The following ICMT variants were observed in gnomAD, a reference collection of about 807,000 sequenced individuals.
ICMT encodes the protein isoprenylcysteine carboxyl methyltransferase.
ICMT carries 10 observed loss-of-function variants against 32.2 expected under a neutral mutation model. The observed-to-expected ratio is 0.31, with a 90% CI of 0.19 to 0.53. ICMT has a LOEUF of 0.53. Among genes scored for constraint, ICMT ranks in the 20% least tolerant of loss-of-function variants. The pLI is 0.96. For synonymous variants in ICMT, 183 were observed against 158.2 expected (o/e 1.16, Z -1.18); for missense variants, 265 against 356.9 (o/e 0.74, Z 2.07).
In ICMT at chr1:6,232,138, A is replaced by G. The variant is rs763472718; in HGVS notation, c.455-19T>C. ...TTCAGTTCTGTGGGAGAGAGACATC[A>G]ACGACACACGGGGAGTGAAAACACT... On this transcript the variant is annotated intron_variant, in intron 3 of 4. Coordinates refer to ENST00000343813, the MANE Select transcript of ICMT (RefSeq NM_012405.4). 6.3e-7 allele frequency: 1 copy of G among 1,593,148 alleles called. No homozygotes were observed. Among genetic ancestry groups the G allele is most frequent in the Non-Finnish European group, 8.6e-7 (1 of 1,162,818 alleles).
At chr1:6,232,693 C>A (rs1215986024) in intron 3 of ICMT, among the ~76,000 whole-genome samples, 1 of 152,122 alleles carries the variant, frequency 6.6e-6, no homozygotes, top group African/African-American at 2.4e-5. Context: ...GAATTACAGG[C>A]ATGCACTACC....
intron 4 of ICMT, 88 bp from the exon 5 acceptor site, chr1:6,225,350 A>T: frequency 7.7e-7 from 1 of 1,306,498 alleles, no homozygotes; most frequent in Non-Finnish European, 1.1e-6. Flanking sequence ...TACCCAGAGG[A>T]TTTCTGTGCC....
intron 1 of ICMT, 63 bp downstream of exon 1, chr1:6,235,654 G>T: frequency 9.4e-7 from 1 of 1,068,582 alleles, no homozygotes; most frequent in Non-Finnish European, 1.1e-6. Flanking sequence ...AGGTGCCCAC[G>T]CGCCGCGCCA....
In ICMT at chr1:6,224,736, G is replaced by T. The variant is rs1475167646; in HGVS notation, c.*344C>A. 3 of 233,280 alleles carry T rather than the reference G, an allele frequency of 1.3e-5. No homozygotes were observed. The East Asian group carries it at 3.2e-4, about 25-fold the overall frequency. 14.5% of individuals were successfully genotyped at this position (233,280 alleles called of 1,614,324 possible). On this transcript the variant is annotated 3_prime_UTR_variant, in exon 5 of 5. Coordinates refer to ENST00000343813, the MANE Select transcript of ICMT (RefSeq NM_012405.4). ...CTGAGGACAGAGTCCATCTCTCCCA[G>T]CGAGTCCTGGTTATCCTTTACTTAC... is the stretch of plus-strand genomic sequence containing the variant.
At chr1:6,225,402 G>A in intron 4 of ICMT, 140 bp from the exon 5 acceptor site, 1 of 757,074 alleles carries the variant, frequency 1.3e-6, no homozygotes, top group Non-Finnish European at 2.1e-6. Flanking sequence ...GAGCAGTACT[G>A]TCACCTTAGC....
At chr1:6,234,654 T>G in intron 2 of ICMT, 2 of 557,182 alleles carry the variant, frequency 3.6e-6, no homozygotes, top group East Asian at 3.4e-5. Context: ...GACAGCACCT[T>G]TGGGGGTGCC....
At chr1:6,235,073 T>C (rs1366870286) in intron 1 of ICMT, 99 bp from the exon 2 acceptor site, 5 of 899,440 alleles carry the variant, frequency 5.6e-6, no homozygotes, top group East Asian at 2.5e-5. Flanking sequence ...GGCAAGCAGA[T>C]AGAGCCGATT....
intron 4 of ICMT, among the ~76,000 whole-genome samples, chr1:6,229,783 TACACACACACACACAC>T (rs34741419): frequency 1.4e-3 from 209 of 146,704 alleles, no homozygotes; most frequent in Non-Finnish European, 2.2e-3. Context: ...ATAAAAAAAA[TACACACACACACACAC>T]ACACACACAC....
chr1:6,233,361 G>A, intron 3 of ICMT, 113 bp downstream of exon 3: 2 of 937,262 alleles, frequency 2.1e-6, no homozygotes, highest in Non-Finnish European at 3.3e-6. Flanking sequence ...ATAGAGGTCT[G>A]CGGAAAATCG....
At chr1:6,227,461 T>G (rs1484236010) in intron 4 of ICMT, among the ~76,000 whole-genome samples, 1 of 152,226 alleles carries the variant, frequency 6.6e-6, no homozygotes, top group African/African-American at 2.4e-5. Flanking sequence ...CCCAAAGACT[T>G]GGAGACTTTT....
At chr1:6,231,816 G>A in intron 4 of ICMT, 86 bp downstream of exon 4, 2 of 841,618 alleles carry the variant, frequency 2.4e-6, no homozygotes, top group Non-Finnish European at 3.6e-6. Flanking sequence ...TTTTGAAATG[G>A]TGACTTTTAT....
rs1357990067 is a variant in ICMT at position 6,221,637 on chromosome 1, T to C, written c.*3443A>G. On this transcript the variant is annotated 3_prime_UTR_variant, in exon 5 of 5. Coordinates refer to ENST00000343813, the MANE Select transcript of ICMT (RefSeq NM_012405.4). ...CTGATCGGCTAACGCAGCTTCCTGG[T>C]TTAGGAACATTTTCCCCGGTCGTAT... The C allele has an allele frequency of 6.6e-6, 1 of 152,646 alleles. No individual in the cohort carries two copies. The highest frequency in any genetic ancestry group is 1.5e-5 in the Non-Finnish European group (1 of 68,044). The allele number at this position is 152,646 out of a possible 1,614,324, so 9.5% of individuals were successfully genotyped here. A position where few individuals can be genotyped will look rare whatever the true frequency, so the allele number is the denominator to read the frequency against.
At chr1:6,227,021 G>A (rs543546656) in intron 4 of ICMT, among the ~76,000 whole-genome samples, 2 of 152,358 alleles carry the variant, frequency 1.3e-5, no homozygotes, top group African/African-American at 2.4e-5. Context: ...TCTATAGCAG[G>A]CTGCAGCCTG....
At chr1:6,231,879 C>A (rs746675981) in intron 4 of ICMT, 23 bp downstream of exon 4, 5 of 1,337,486 alleles carry the variant, frequency 3.7e-6, no homozygotes, top group East Asian at 4.8e-5. Flanking sequence ...AAAAGAAAAG[C>A]AGTGTCATAT....
chr1:6,225,349 G>T lies in ICMT; in HGVS notation c.673-87C>A, dbSNP rs1668629469. ...AGGCGTCTGTCTCTAATACCCAGAG[G>T]ATTTCTGTGCCCATGCCCTGCTGAG... On this transcript the variant is annotated intron_variant, in intron 4 of 4. Transcript: ENST00000343813. 5.3e-6 allele frequency: 7 copies of T among 1,313,928 alleles called. No homozygotes were observed. In the East Asian group the frequency reaches 1.6e-4, roughly 30 times the overall value. 81.4% of individuals were successfully genotyped at this position (1,313,928 alleles called of 1,614,324 possible). A position where few individuals can be genotyped will look rare whatever the true frequency, so the allele number is the denominator to read the frequency against.
At chr1:6,227,001 G>A (rs1668654853) in intron 4 of ICMT, among the ~76,000 whole-genome samples, 1 of 152,256 alleles carries the variant, frequency 6.6e-6, no homozygotes, top group South Asian at 2.1e-4. Context: ...ATACCCTACA[G>A]TGGGAGTTCT....
intron 4 of ICMT, among the ~76,000 whole-genome samples, chr1:6,229,555 A>G (rs889977815): frequency 6.6e-6 from 1 of 152,000 alleles, no homozygotes; most frequent in African/African-American, 2.4e-5. Context: ...GCTACTTAGA[A>G]GGCTGAGGCA....
chr1:6,232,951 G>A (rs1044557679), intron 3 of ICMT, among the ~76,000 whole-genome samples: 4 of 151,656 alleles, frequency 2.6e-5, no homozygotes, highest in African/African-American at 4.8e-5. Flanking sequence ...TCCGCCTCCC[G>A]GATTCAAGCA....
intron 4 of ICMT, among the ~76,000 whole-genome samples, chr1:6,227,426 G>A (rs560345673): frequency 2.6e-5 from 4 of 152,336 alleles, no homozygotes; most frequent in African/African-American, 9.6e-5. Context: ...TTGCTGATGG[G>A]ATGCCTGAGA....
Sources: gnomAD v4.1 joint callset for allele counts (sites outside exome capture counted in the v4.1 genomes callset) on GRCh38, gnomAD v4.1.1 for gene constraint, MANE v1.5 for transcripts, NCBI Gene and HGNC (gene_info 2026-07-23, HGNC 2026-07-21) for gene names.